Variants in CFAP299 observed in about 807,000 individuals in gnomAD.
CFAP299 encodes cilia- and flagella-associated protein 299.
A neutral mutation model predicts 27.0 loss-of-function variants in CFAP299; 21 were observed. The ratio of observed to expected loss-of-function variants is 0.78; its 90% CI spans 0.55 to 1.12. The LOEUF (loss-of-function observed/expected upper bound fraction) is 1.12. CFAP299 is among the 50% of genes most tolerant of loss of function. The pLI, the probability that CFAP299 is intolerant of heterozygous loss-of-function variation, is 0.00. For synonymous variants in CFAP299, 104 were observed against 98.1 expected (o/e 1.06, Z -0.36); for missense variants, 310 against 276.6 (o/e 1.12, Z -0.86).
intron 2 of CFAP299, among the ~76,000 whole-genome samples, chr4:80,551,833 C>T (rs567919177): frequency 3.9e-4 from 60 of 152,000 alleles, no homozygotes; most frequent in African/African-American, 1.2e-3. Flanking sequence ...CTGCAACCTC[C>T]GCCTCCCAGG....
chr4:80,848,785 AAAAC>A (rs774079969), intron 3 of CFAP299, among the ~76,000 whole-genome samples: 3 of 152,108 alleles, frequency 2.0e-5, no homozygotes, highest in Non-Finnish European at 4.4e-5. Flanking sequence ...CAAAAAAACA[AAAAC>A]AAAACAAAAC....
intron 2 of CFAP299, among the ~76,000 whole-genome samples, chr4:80,380,848 C>T (rs1724664964): frequency 6.6e-6 from 1 of 152,184 alleles, no homozygotes; most frequent in South Asian, 2.1e-4. Context: ...TACTTGACCT[C>T]TGCTACTGCT....
chr4:80,553,965 T>C (rs1405507017), intron 2 of CFAP299, among the ~76,000 whole-genome samples: 1 of 152,226 alleles, frequency 6.6e-6, no homozygotes, highest in East Asian at 1.9e-4. Flanking sequence ...GTTGATACTT[T>C]CTTTTGCTGT....
In CFAP299 at chr4:80,427,402, T is replaced by C. The variant is rs947589109; in HGVS notation, c.242+64518T>C. On this transcript the variant is annotated intron_variant, in intron 2 of 5. Transcript: ENST00000358105. ...TATGTGTGAAATATTATTATTGCTATGCAATTATATAACTAATCTTTTCTT... is the reference window on the plus strand; with the variant it reads ...TATGTGTGAAATATTATTATTGCTACGCAATTATATAACTAATCTTTTCTT... Among the ~76,000 whole-genome samples the C allele has an allele frequency of 2.0e-5, 3 of 152,204 alleles. No homozygotes were observed. The South Asian group carries it at 6.2e-4, about 32-fold the overall frequency.
intron 3 of CFAP299, among the ~76,000 whole-genome samples, chr4:80,584,037 G>A (rs1453300519): frequency 5.9e-5 from 9 of 151,934 alleles, no homozygotes; most frequent in Non-Finnish European, 1.2e-4. Flanking sequence ...TTCAGAGAGA[G>A]AAAAAAATCA....
intron 3 of CFAP299, among the ~76,000 whole-genome samples, chr4:80,703,298 C>T (rs1365820476): frequency 1.3e-5 from 2 of 151,698 alleles, no homozygotes; most frequent in Non-Finnish European, 3.0e-5. Flanking sequence ...TCTACCTTGC[C>T]TTATCTATCT....
intron 3 of CFAP299, among the ~76,000 whole-genome samples, chr4:80,594,665 G>GTTGTT (rs1736967511): frequency 6.6e-6 from 1 of 151,886 alleles, no homozygotes; most frequent in Non-Finnish European, 1.5e-5. Context: ...AACTAGAACT[G>GTTGTT]TTGTTTTGTT....
At chr4:80,386,360 G>A (rs1041564275) in intron 2 of CFAP299, 5 of 1,455,444 alleles carry the variant, frequency 3.4e-6, no homozygotes, top group Non-Finnish European at 4.7e-6. Flanking sequence ...TCAGCTCTGC[G>A]AAGGGCGGCT....
chr4:80,813,058 T>C (rs961619332), intron 3 of CFAP299, among the ~76,000 whole-genome samples: 11 of 152,074 alleles, frequency 7.2e-5, no homozygotes, highest in Non-Finnish European at 1.5e-4. Flanking sequence ...GAAAATATTT[T>C]AGCTGAACAC....
intron 3 of CFAP299, among the ~76,000 whole-genome samples, chr4:80,691,780 T>TA (rs1233918182): frequency 6.6e-6 from 1 of 152,162 alleles, no homozygotes; most frequent in Non-Finnish European, 1.5e-5. Context: ...GACATGATTG[T>TA]ATATCTAGAA....
At chr4:80,373,413 T>C (rs138556742) in intron 2 of CFAP299, among the ~76,000 whole-genome samples, 23 of 152,290 alleles carry the variant, frequency 1.5e-4, no homozygotes, top group African/African-American at 2.4e-4. Flanking sequence ...CTGCAATGAA[T>C]ACTTGCTATG....
chr4:80,599,306 T>C (rs1319169648), intron 3 of CFAP299, among the ~76,000 whole-genome samples: 2 of 152,178 alleles, frequency 1.3e-5, no homozygotes, highest in Non-Finnish European at 2.9e-5. Context: ...TGAAATTACA[T>C]CCTGTGATAG....
At chr4:80,774,379 AAAT>A (rs1726402245) in intron 3 of CFAP299, among the ~76,000 whole-genome samples, 1 of 151,960 alleles carries the variant, frequency 6.6e-6, no homozygotes, top group African/African-American at 2.4e-5. Flanking sequence ...TATAAAAACT[AAAT>A]AATCTGCACT....
chr4:80,557,993 T>A (rs1339738107), intron 2 of CFAP299, among the ~76,000 whole-genome samples: 8 of 150,946 alleles, frequency 5.3e-5, no homozygotes, highest in East Asian at 3.9e-4. Flanking sequence ...ATAAATAACT[T>A]GGGATCAAAA....
At chr4:80,399,391 C>T (rs1241725509) in intron 2 of CFAP299, among the ~76,000 whole-genome samples, 2 of 152,026 alleles carry the variant, frequency 1.3e-5, no homozygotes, top group Non-Finnish European at 2.9e-5. Context: ...CACATGCACA[C>T]ATATGTTTAT....
intron 3 of CFAP299, among the ~76,000 whole-genome samples, chr4:80,772,006 C>T (rs866753408): frequency 2.0e-5 from 3 of 152,130 alleles, no homozygotes; most frequent in South Asian, 4.1e-4. Context: ...ATGACTGCCA[C>T]GTGTTTTCTA....
At chr4:80,584,282 C>T (rs548168209) in intron 3 of CFAP299, among the ~76,000 whole-genome samples, 17 of 151,970 alleles carry the variant, frequency 1.1e-4, no homozygotes, top group Middle Eastern at 3.4e-3. Context: ...AATATTTAAA[C>T]GAGGCTAAGA....
chr4:80,609,400 G>A (rs765574894), intron 3 of CFAP299, among the ~76,000 whole-genome samples: 8 of 152,056 alleles, frequency 5.3e-5, no homozygotes, highest in Non-Finnish European at 1.0e-4. Context: ...TGCAGTGAGA[G>A]AAGGAAGCTA....
chr4:80,521,699 G>A (rs751483645), intron 2 of CFAP299, among the ~76,000 whole-genome samples: 15 of 151,688 alleles, frequency 9.9e-5, no homozygotes, highest in Non-Finnish European at 1.6e-4. Flanking sequence ...TCAGAGAGTG[G>A]AATCATACAA....
Sources: gnomAD v4.1 joint callset for allele counts (sites outside exome capture counted in the v4.1 genomes callset) on GRCh38, gnomAD v4.1.1 for gene constraint, MANE v1.5 for transcripts, NCBI Gene and HGNC (gene_info 2026-07-23, HGNC 2026-07-21) for gene names.